TERB1: variants seen among roughly 807,000 people sequenced by gnomAD.
TERB1 encodes telomere repeats-binding bouquet formation protein 1.
Under a neutral mutation model 92.3 loss-of-function variants are expected in TERB1, and 63 were observed. That is an observed-to-expected ratio of 0.68 (90% CI 0.56 to 0.84). TERB1 has a LOEUF of 0.84. Among genes scored for constraint, TERB1 ranks in the 40% least tolerant of loss-of-function variants. TERB1 has a pLI of 0.00. For synonymous variants in TERB1, 252 were observed against 283.9 expected, an observed-to-expected ratio of 0.89 and a Z score of 1.13; for missense variants, 709 against 843.7, an observed-to-expected ratio of 0.84 and a Z score of 1.98.
chr16:66,776,864 A>G (rs2018557439), intron 11 of TERB1, among the ~76,000 whole-genome samples: 1 of 152,198 alleles, frequency 6.6e-6, no homozygotes, highest in South Asian at 2.1e-4. Context: ...TGAAGGTAGA[A>G]GGGAAGGAGC....
intron 9 of TERB1, among the ~76,000 whole-genome samples, chr16:66,783,476 TTTG>T (rs2018672139): frequency 6.6e-6 from 1 of 152,192 alleles, no homozygotes; most frequent in Non-Finnish European, 1.5e-5. Flanking sequence ...TTGTTAATAT[TTTG>T]TTAAGGATTT....
intron 12 of TERB1, among the ~76,000 whole-genome samples, chr16:66,774,139 C>T (rs1444879188): frequency 6.7e-6 from 1 of 148,742 alleles, no homozygotes; most frequent in Non-Finnish European, 1.5e-5. Flanking sequence ...CCTAGGCCTC[C>T]GAAAGTGCTG....
At chr16:66,760,980 T>C (rs548649303) in intron 16 of TERB1, among the ~76,000 whole-genome samples, 239 of 135,744 alleles carry the variant, frequency 1.8e-3, no homozygotes, top group Non-Finnish European at 2.7e-3. Context: ...GGCATGGTGG[T>C]GGGTGCCTGT....
intron 13 of TERB1, among the ~76,000 whole-genome samples, chr16:66,771,661 A>G (rs2018454295): frequency 6.6e-6 from 1 of 151,296 alleles, no homozygotes; most frequent in African/African-American, 2.4e-5. Context: ...ACACACACAC[A>G]CACACACACA....
chr16:66,763,985 G>A (rs2018295557), intron 16 of TERB1, among the ~76,000 whole-genome samples: 2 of 152,326 alleles, frequency 1.3e-5, no homozygotes, highest in Non-Finnish European at 2.9e-5. Context: ...CTCTAATATG[G>A]CTAGAGTACA....
chr16:66,766,325 T>G (rs1365216695), intron 16 of TERB1, among the ~76,000 whole-genome samples: 1 of 152,134 alleles, frequency 6.6e-6, no homozygotes, highest in Non-Finnish European at 1.5e-5. Context: ...TGGACATCAG[T>G]TTTAGAAGAA....
intron 9 of TERB1, among the ~76,000 whole-genome samples, chr16:66,780,564 A>C (rs2018619320): frequency 6.6e-6 from 1 of 150,442 alleles, no homozygotes. Flanking sequence ...AGTGAGTGAG[A>C]CTCTAGCTCA....
chr16:66,767,519 A>T lies in TERB1; in HGVS notation c.1685-9T>A. Reference sequence around the variant, plus strand: ...ACATAATGTAAATGGATCTGAAAAAAATTGCAAAATGAAGGATTTTTGGAT... The same window carrying T: ...ACATAATGTAAATGGATCTGAAAAATATTGCAAAATGAAGGATTTTTGGAT... On this transcript the variant is annotated splice_polypyrimidine_tract_variant and intron_variant, in intron 15 of 18. Coordinates refer to ENST00000433154, the MANE Select transcript of TERB1 (RefSeq NM_001136505.2). 4 of 1,330,016 alleles carry T rather than the reference A, an allele frequency of 3.0e-6. No homozygotes were observed. The highest frequency in any genetic ancestry group is 4.1e-6 in the Non-Finnish European group (4 of 979,108). 82.4% of individuals were successfully genotyped at this position (1,330,016 alleles called of 1,614,324 possible). A position where few individuals can be genotyped will look rare whatever the true frequency, so the allele number is the denominator to read the frequency against.
At chr16:66,777,116 C>T in intron 11 of TERB1, 87 bp downstream of exon 11, 4 of 1,285,740 alleles carry the variant, frequency 3.1e-6, no homozygotes, top group Admixed American at 2.7e-5. Flanking sequence ...CTTTTAAGAC[C>T]TTCACATAAC....
At chr16:66,766,261 T>C (rs2018345324) in intron 16 of TERB1, among the ~76,000 whole-genome samples, 1 of 151,966 alleles carries the variant, frequency 6.6e-6, no homozygotes, top group African/African-American at 2.4e-5. Context: ...AGAAAGATTT[T>C]GCAATTAGTA....
intron 16 of TERB1, among the ~76,000 whole-genome samples, chr16:66,763,615 G>A (rs779672939): frequency 2.0e-5 from 3 of 151,934 alleles, no homozygotes; most frequent in Non-Finnish European, 4.4e-5. Flanking sequence ...GAGCCAATAG[G>A]GTTAGAAAAA....
At chr16:66,763,099 G>A (rs1441440646) in intron 16 of TERB1, among the ~76,000 whole-genome samples, 2 of 151,618 alleles carry the variant, frequency 1.3e-5, no homozygotes, top group African/African-American at 4.8e-5. Flanking sequence ...TCTTTTGAAA[G>A]TTGGTTGTTG....
At chr16:66,777,954 A>G (rs932832936) in intron 10 of TERB1, among the ~76,000 whole-genome samples, 1 of 152,204 alleles carries the variant, frequency 6.6e-6, no homozygotes, top group African/African-American at 2.4e-5. Context: ...TCCTGAAGGG[A>G]CTACATCTTA....
chr16:66,794,681 T>C (rs1271338078), intron 3 of TERB1, among the ~76,000 whole-genome samples: 3 of 151,952 alleles, frequency 2.0e-5, no homozygotes, highest in Admixed American at 6.6e-5. Context: ...GAGGCCGAGG[T>C]GGGTGGATCA....
intron 13 of TERB1, 76 bp downstream of exon 13, chr16:66,772,513 T>C (rs1231529063): frequency 1.6e-6 from 2 of 1,281,346 alleles, no homozygotes. Context: ...TATATGTCAG[T>C]GTAGTATGGA....
intron 2 of TERB1, among the ~76,000 whole-genome samples, chr16:66,797,425 C>T (rs118176502): frequency 0.075 from 11,354 of 151,612 alleles, 576 homozygotes; most frequent in South Asian, 0.11. Context: ...TTTGTAGAGA[C>T]GGGGTTTCGC....
At chr16:66,796,325 CCT>C (rs2018929003) in intron 3 of TERB1, among the ~76,000 whole-genome samples, 1 of 152,168 alleles carries the variant, frequency 6.6e-6, no homozygotes, top group African/African-American at 2.4e-5. Context: ...TCTCTTTTCA[CCT>C]TTTTGAAATG....
At chr16:66,769,858 ATCATG>A in intron 14 of TERB1, 100 bp downstream of exon 14, 4 of 822,996 alleles carry the variant, frequency 4.9e-6, no homozygotes. Context: ...ACCATGTTTC[ATCATG>A]TCACTTCTAC....
intron 6 of TERB1, among the ~76,000 whole-genome samples, chr16:66,787,534 T>C (rs1483035721): frequency 6.6e-6 from 1 of 152,212 alleles, no homozygotes; most frequent in Non-Finnish European, 1.5e-5. Flanking sequence ...TTCTATATTC[T>C]CTTTGCCACT....
Sources: gnomAD v4.1 joint callset for allele counts (sites outside exome capture counted in the v4.1 genomes callset) on GRCh38, gnomAD v4.1.1 for gene constraint, MANE v1.5 for transcripts, NCBI Gene and HGNC (gene_info 2026-07-23, HGNC 2026-07-21) for gene names.